The following MARCHF1 variants were observed in gnomAD, a reference collection of about 807,000 sequenced individuals.
MARCHF1 encodes the protein E3 ubiquitin-protein ligase MARCHF1.
A neutral mutation model predicts 54.2 loss-of-function variants in MARCHF1; 40 were observed. That is an observed-to-expected ratio of 0.74 (90% CI 0.57 to 0.96). The LOEUF (loss-of-function observed/expected upper bound fraction) is 0.96. MARCHF1 is among the 40% of genes least tolerant of loss of function. The pLI is 0.00. For missense variants in MARCHF1, 586 were observed against 656.5 expected (o/e 0.89, Z 1.17); for synonymous variants, 236 against 236.3 (o/e 1.00, Z 0.01).
intron 4 of MARCHF1, among the ~76,000 whole-genome samples, chr4:163,832,214 C>T (rs1344137592): frequency 6.6e-6 from 1 of 151,986 alleles, no homozygotes; most frequent in East Asian, 1.9e-4. Flanking sequence ...ATTGTGATGC[C>T]CTCTATGGAG....
chr4:164,191,600 T>C (rs1054617551), intron 1 of MARCHF1, among the ~76,000 whole-genome samples: 4 of 152,204 alleles, frequency 2.6e-5, no homozygotes, highest in Admixed American at 6.5e-5. Context: ...CAAACAATTA[T>C]GGCGTTAATC....
intron 4 of MARCHF1, among the ~76,000 whole-genome samples, chr4:163,788,995 C>T (rs1165753733): frequency 1.3e-5 from 2 of 152,010 alleles, no homozygotes; most frequent in Admixed American, 6.6e-5. Flanking sequence ...CATCGCAGAT[C>T]TTGCCTGCCA....
intron 1 of MARCHF1, among the ~76,000 whole-genome samples, chr4:164,350,915 G>A (rs939478481): frequency 5.9e-5 from 9 of 152,044 alleles, no homozygotes; most frequent in East Asian, 1.9e-4. Flanking sequence ...TGCACCGGGC[G>A]CGAGCCGAAG....
intron 5 of MARCHF1, among the ~76,000 whole-genome samples, chr4:163,697,062 A>G (rs1436001815): frequency 6.6e-6 from 1 of 152,148 alleles, no homozygotes; most frequent in Non-Finnish European, 1.5e-5. Context: ...GTCCAGAGGA[A>G]ACCAGGAGCA....
intron 4 of MARCHF1, among the ~76,000 whole-genome samples, chr4:163,797,357 G>A (rs1747947659): frequency 1.3e-5 from 2 of 150,232 alleles, no homozygotes; most frequent in South Asian, 4.2e-4. Context: ...GTGTTTATGT[G>A]TGTGTGTGTG....
intron 3 of MARCHF1, among the ~76,000 whole-genome samples, chr4:163,947,561 T>C (rs1299577897): frequency 1.3e-5 from 2 of 152,188 alleles, no homozygotes; most frequent in Non-Finnish European, 2.9e-5. Flanking sequence ...GAGTGATGTG[T>C]GGCCACAAGC....
chr4:163,893,521 T>C (rs1461801770), intron 3 of MARCHF1, among the ~76,000 whole-genome samples: 2 of 152,136 alleles, frequency 1.3e-5, no homozygotes, highest in African/African-American at 2.4e-5. Flanking sequence ...ACTCATAAGA[T>C]GTGCAGAAAT....
At chr4:163,728,035 T>C (rs78145458) in intron 4 of MARCHF1, among the ~76,000 whole-genome samples, 3,787 of 152,198 alleles carry the variant, frequency 0.025, 155 homozygotes, top group African/African-American at 0.085. Flanking sequence ...CCTGTATTTA[T>C]GTGAATCTAC....
At chr4:163,819,981 A>G (rs967924658) in intron 4 of MARCHF1, among the ~76,000 whole-genome samples, 4 of 152,132 alleles carry the variant, frequency 2.6e-5, no homozygotes, top group African/African-American at 9.7e-5. Flanking sequence ...TTGTGCAATC[A>G]ACATATGAAA....
At chr4:164,019,723 T>C (rs1055994033) in intron 2 of MARCHF1, among the ~76,000 whole-genome samples, 1 of 152,168 alleles carries the variant, frequency 6.6e-6, no homozygotes, top group African/African-American at 2.4e-5. Context: ...AAATATATAC[T>C]TAAAACACTG....
chr4:163,682,526 C>T (rs189704756), intron 5 of MARCHF1, among the ~76,000 whole-genome samples: 15 of 152,284 alleles, frequency 9.9e-5, no homozygotes, highest in African/African-American at 1.9e-4. Flanking sequence ...AGCCTCGAGA[C>T]GTGGTGCCCT....
chr4:164,327,369 G>T (rs1262333926), intron 1 of MARCHF1, among the ~76,000 whole-genome samples: 1 of 152,158 alleles, frequency 6.6e-6, no homozygotes, highest in Non-Finnish European at 1.5e-5. Context: ...AGTACAGCTT[G>T]TGAAAGTGAT....
chr4:164,237,096 A>G (rs568120234), intron 1 of MARCHF1, among the ~76,000 whole-genome samples: 1 of 152,232 alleles, frequency 6.6e-6, no homozygotes, highest in Admixed American at 6.5e-5. Flanking sequence ...CTTTTCCTTG[A>G]CCATGCCATG....
chr4:164,023,121 A>C (rs1753698433), intron 2 of MARCHF1, among the ~76,000 whole-genome samples: 1 of 152,228 alleles, frequency 6.6e-6, no homozygotes, highest in Non-Finnish European at 1.5e-5. Flanking sequence ...GGGGTGAGGC[A>C]CATGGGTTCA....
intron 1 of MARCHF1, among the ~76,000 whole-genome samples, chr4:164,229,019 T>C (rs1003279332): frequency 2.0e-5 from 3 of 152,058 alleles, no homozygotes; most frequent in African/African-American, 2.4e-5. Flanking sequence ...TTAGCGAAAA[T>C]TGGATGTTAA....
At chr4:164,081,380 T>TATTA (rs1460071584) in intron 2 of MARCHF1, among the ~76,000 whole-genome samples, 1 of 152,082 alleles carries the variant, frequency 6.6e-6, no homozygotes, top group Non-Finnish European at 1.5e-5. Context: ...ACTGTTTTAA[T>TATTA]AAACACTTTT....
intron 1 of MARCHF1, among the ~76,000 whole-genome samples, chr4:164,286,632 T>C (rs1305968219): frequency 6.6e-6 from 1 of 151,612 alleles, no homozygotes; most frequent in African/African-American, 2.4e-5. Context: ...GCTCAAAATA[T>C]GTACTGTGTA....
chr4:164,173,868 T>C (rs1462428048), intron 1 of MARCHF1, among the ~76,000 whole-genome samples: 2 of 152,184 alleles, frequency 1.3e-5, no homozygotes. Flanking sequence ...GGTATTTCTT[T>C]AGAGCATGGC....
chr4:163,838,877 G>A (rs186601935), intron 4 of MARCHF1, among the ~76,000 whole-genome samples: 6 of 152,042 alleles, frequency 3.9e-5, no homozygotes, highest in Admixed American at 3.3e-4. Flanking sequence ...TAACAGCACC[G>A]GTGATAAAAG....
Sources: allele counts gnomAD v4.1 joint callset (sites outside exome capture counted in the v4.1 genomes callset), GRCh38; gene constraint gnomAD v4.1.1; transcripts MANE v1.5; gene names NCBI Gene and HGNC (gene_info 2026-07-23, HGNC 2026-07-21).